The following BBS9 variants were observed in gnomAD, a reference collection of about 807,000 sequenced individuals.
BBS9 encodes protein PTHB1.
A neutral mutation model predicts 117.7 loss-of-function variants in BBS9; 89 were observed. The ratio of observed to expected loss-of-function variants is 0.76; its 90% CI spans 0.64 to 0.90. The LOEUF (loss-of-function observed/expected upper bound fraction) is 0.90. BBS9 is among the 40% of genes least tolerant of loss of function. The pLI is 0.00. For missense variants in BBS9, 982 were observed against 1,042.2 expected, an observed-to-expected ratio of 0.94 and a Z score of 0.80; for synonymous variants, 379 against 370.9, an observed-to-expected ratio of 1.02 and a Z score of -0.25.
Position 33,604,893 on chromosome 7 carries a change from C to A in BBS9, c.2550C>A (p.Asp850Glu), listed in dbSNP as rs768072201. ...GTTGTACTACAATCCCAGAGTCAGA[C>A]CTAGAAGAAAGATCAGTAGAACAAG... ...PGGCTTIPES[D>E]LEERSVEQDS... The change falls in exon 22 of 23, where the codon GAC becomes GAA. Residue 850 changes from aspartate to glutamate, a missense_variant. Transcript: ENST00000242067. The A allele has an allele frequency of 3.0e-5, 48 of 1,612,998 alleles. No individual in the cohort carries two copies. Among genetic ancestry groups the A allele is most frequent in the African/African-American group, 4.0e-5 (3 of 74,840 alleles).
At chr7:33,401,388 C>T (rs1828891977) in intron 19 of BBS9, among the ~76,000 whole-genome samples, 1 of 152,132 alleles carries the variant, frequency 6.6e-6, no homozygotes. Context: ...TTATTCTGAG[C>T]CAAGTGTGAG....
At chr7:33,526,186 T>C (rs1849469891) in intron 20 of BBS9, among the ~76,000 whole-genome samples, 1 of 152,014 alleles carries the variant, frequency 6.6e-6, no homozygotes, top group Non-Finnish European at 1.5e-5. Flanking sequence ...TTAACATTTT[T>C]TCCTACATTT....
intron 19 of BBS9, among the ~76,000 whole-genome samples, chr7:33,468,870 G>A (rs1044557480): frequency 5.3e-5 from 8 of 152,108 alleles, no homozygotes; most frequent in African/African-American, 1.9e-4. Context: ...GTATTTCATT[G>A]TGTATATATA....
intron 4 of BBS9, among the ~76,000 whole-genome samples, chr7:33,160,682 G>C (rs1794708412): frequency 6.6e-6 from 1 of 152,182 alleles, no homozygotes; most frequent in Non-Finnish European, 1.5e-5. Context: ...ACAGTTCCAA[G>C]AGTGGAGGGG....
chr7:33,227,351 T>C (rs1307244933), intron 5 of BBS9, among the ~76,000 whole-genome samples: 2 of 152,152 alleles, frequency 1.3e-5, no homozygotes, highest in African/African-American at 4.8e-5. Flanking sequence ...TTTCACCATG[T>C]TGGCCAGGCT....
intron 9 of BBS9, among the ~76,000 whole-genome samples, chr7:33,295,729 T>C (rs2128412164): frequency 6.6e-6 from 1 of 152,144 alleles, no homozygotes; most frequent in Non-Finnish European, 1.5e-5. Flanking sequence ...AAGAAAAATT[T>C]ATATATTGCA....
intron 21 of BBS9, among the ~76,000 whole-genome samples, chr7:33,611,428 A>G (rs1204726594): frequency 6.8e-6 from 1 of 146,444 alleles, no homozygotes; most frequent in Non-Finnish European, 1.5e-5. Flanking sequence ...ATCCTTTAAT[A>G]TTATCTTCTT....
At chr7:33,306,877 T>C (rs1439540115) in intron 9 of BBS9, among the ~76,000 whole-genome samples, 2 of 152,140 alleles carry the variant, frequency 1.3e-5, no homozygotes, top group East Asian at 3.8e-4. Flanking sequence ...ATGATATATG[T>C]TAGAAATAGC....
At chr7:33,342,618 T>C (rs1816783574) in intron 11 of BBS9, among the ~76,000 whole-genome samples, 1 of 152,198 alleles carries the variant, frequency 6.6e-6, no homozygotes, top group Non-Finnish European at 1.5e-5. Flanking sequence ...TGTGTTACTA[T>C]TTTTTCTTTC....
chr7:33,488,136 T>C (rs572686046), intron 19 of BBS9, among the ~76,000 whole-genome samples: 2 of 152,176 alleles, frequency 1.3e-5, no homozygotes, highest in African/African-American at 4.8e-5. Context: ...TATTCATGCT[T>C]CCTCATATTA....
chr7:33,586,127 C>G (rs1234769651), intron 21 of BBS9, among the ~76,000 whole-genome samples: 1 of 151,952 alleles, frequency 6.6e-6, no homozygotes, highest in Non-Finnish European at 1.5e-5. Context: ...CGGGAGCTAA[C>G]TTGATGTGTG....
rs1439647648 is a variant in BBS9, at chr7:33,129,819, T to G, written c.-234T>G. 1 of 152,504 alleles carries G rather than the reference T, an allele frequency of 6.6e-6. No individual in the cohort carries two copies. The highest frequency in any genetic ancestry group is 1.5e-5 in the Non-Finnish European group (1 of 68,358). The allele number at this position is 152,504 out of a possible 1,614,324, so 9.4% of individuals were successfully genotyped here. A position where few individuals can be genotyped will look rare whatever the true frequency, so the allele number is the denominator to read the frequency against. ...GGGAATCACTCCAACTCTGTGGAGCTGGTGGTGCTGCCTGGTGGGGCTCTC... is the reference window on the plus strand; with the variant it reads ...GGGAATCACTCCAACTCTGTGGAGCGGGTGGTGCTGCCTGGTGGGGCTCTC... On this transcript the variant is annotated 5_prime_UTR_variant, in exon 1 of 23. Transcript: ENST00000242067.
At chr7:33,177,290 TG>T (rs144093303) in intron 4 of BBS9, among the ~76,000 whole-genome samples, 187 bp from the exon 5 acceptor site, 2,093 of 152,284 alleles carry the variant, frequency 0.014, 58 homozygotes, top group African/African-American at 0.048. Flanking sequence ...TTAGCTGAGA[TG>T]TAAATTGTTT....
At chr7:33,422,990 C>T (rs1483118773) in intron 19 of BBS9, among the ~76,000 whole-genome samples, 1 of 152,114 alleles carries the variant, frequency 6.6e-6, no homozygotes, top group Non-Finnish European at 1.5e-5. Context: ...TGGAAGAGAA[C>T]TTGGGGTGAC....
chr7:33,271,588 A>C (rs749567845), intron 7 of BBS9, among the ~76,000 whole-genome samples: 4 of 152,226 alleles, frequency 2.6e-5, no homozygotes, highest in Non-Finnish European at 5.9e-5. Flanking sequence ...ACTTTAAACC[A>C]ACAAAGACTA....
At position 33,404,888 on chromosome 7, in the gene BBS9, A is replaced by C. The variant is rs183495532; in HGVS notation, c.2115+16744A>C. Among the ~76,000 whole-genome samples the C allele has an allele frequency of 0.02, 2,975 of 152,134 alleles. 196 individuals are homozygous for C. In the East Asian group the frequency reaches 0.26, roughly 13 times the overall value. On this transcript the variant is annotated intron_variant, in intron 19 of 22. Transcript: ENST00000242067. ...CAGAACTTCCAACACTATGTTGAATAGGAGTAGTGAGAGAGGGCATCCCTG... is the reference window on the plus strand; with the variant it reads ...CAGAACTTCCAACACTATGTTGAATCGGAGTAGTGAGAGAGGGCATCCCTG...
chr7:33,429,483 T>G (rs1023257794), intron 19 of BBS9, among the ~76,000 whole-genome samples: 6 of 152,212 alleles, frequency 3.9e-5, no homozygotes, highest in African/African-American at 1.4e-4. Flanking sequence ...GAGTATGGCT[T>G]TGCCAACATA....
At chr7:33,552,884 G>T (rs74536245) in intron 21 of BBS9, among the ~76,000 whole-genome samples, 1,774 of 152,256 alleles carry the variant, frequency 0.012, 29 homozygotes, top group East Asian at 0.054. Flanking sequence ...ACCGTGGCCT[G>T]CAGAACTCTG....
At chr7:33,146,544 A>G (rs546764868) in intron 2 of BBS9, among the ~76,000 whole-genome samples, 180 bp downstream of exon 2, 2 of 152,164 alleles carry the variant, frequency 1.3e-5, no homozygotes, top group African/African-American at 4.8e-5. Flanking sequence ...TACTAAAAAT[A>G]CAAAATTAGC....
Sources: allele counts gnomAD v4.1 joint callset (sites outside exome capture counted in the v4.1 genomes callset), GRCh38; gene constraint gnomAD v4.1.1; transcripts MANE v1.5; gene names NCBI Gene and HGNC (gene_info 2026-07-23, HGNC 2026-07-21).